Variants in IRGC observed in about 807,000 individuals in gnomAD.
IRGC encodes the protein immunity related GTPase cinema, also known as interferon-inducible GTPase 5.
IRGC carries 4 observed loss-of-function variants against 16.1 expected under a neutral mutation model. The observed-to-expected ratio is 0.25, with a 90% CI of 0.12 to 0.57. The LOEUF is 0.57. IRGC is among the 20% of genes least tolerant of loss of function. IRGC has a pLI of 0.92. For missense variants in IRGC, 570 were observed against 643.9 expected (o/e 0.89, Z 1.24); for synonymous variants, 307 against 299.5 (o/e 1.03, Z -0.26).
At position 43,718,503 on chromosome 19, in the gene IRGC, T is replaced by A; in HGVS notation, c.-56T>A. The A allele has an allele frequency of 6.6e-7, 1 of 1,515,952 alleles. No individual in the cohort carries two copies. The highest frequency in any genetic ancestry group is 8.8e-7 in the Non-Finnish European group (1 of 1,134,194). The allele number at this position is 1,515,952 out of a possible 1,614,324, so 93.9% of individuals were successfully genotyped here. ...CCTTCTCCTCTGCAGGCGCTGAGGATCACGCATCCTGTGACTCTCCCCTGT... is the reference window on the plus strand; with the variant it reads ...CCTTCTCCTCTGCAGGCGCTGAGGAACACGCATCCTGTGACTCTCCCCTGT... On this transcript the variant is annotated 5_prime_UTR_variant, in exon 2 of 2. Transcript: ENST00000244314.
intron 1 of IRGC, among the ~76,000 whole-genome samples, chr19:43,717,885 T>G (rs570101467): frequency 6.6e-6 from 1 of 152,114 alleles, no homozygotes; most frequent in East Asian, 1.9e-4. Context: ...TGGGACAACA[T>G]AGTGAGACTC....
At position 43,719,854 on chromosome 19, in the gene IRGC, T is replaced by C. The variant is rs755917840; in HGVS notation, c.1296T>C (p.Gly432=). ...AAAAGGGGGGCTCCGGGGAGGGAGG[T>C]GGGGAGGAAGCCCCACTCTCAACCT... The part of the protein sequence containing the change: ...GVEKGGSGEG[G]GEEAPLSTCR... The change falls in exon 2 of 2, where the codon GGT becomes GGC. Residue 432 remains glycine (G), a synonymous_variant. Coordinates refer to ENST00000244314, the MANE Select transcript of IRGC (RefSeq NM_019612.4). The C allele has an allele frequency of 1.2e-6, 2 of 1,611,500 alleles. No individual in the cohort carries two copies. The highest frequency in any genetic ancestry group is 2.7e-5 in the African/African-American group (2 of 73,978).
chr19:43,719,881 C>T lies in IRGC; in HGVS notation c.1323C>T (p.Cys441=), dbSNP rs1040020919. The change falls in exon 2 of 2, where the codon TGC becomes TGT. Residue 441 remains cysteine (C), a synonymous_variant. Transcript: ENST00000244314. ...GGGAGGAAGCCCCACTCTCAACCTG[C>T]AGGAAGCTCGGCCTCCTTCTTAAGT... ...GGGEEAPLST[C]RKLGLLLKYI... 1.9e-6 allele frequency: 3 copies of T among 1,613,838 alleles called. No homozygotes were observed. Among genetic ancestry groups the T allele is most frequent in the Middle Eastern group, 1.6e-4 (1 of 6,082 alleles).
At chr19:43,716,506 T>G (rs1331932979) in intron 1 of IRGC, among the ~76,000 whole-genome samples, 1 of 152,030 alleles carries the variant, frequency 6.6e-6, no homozygotes, top group African/African-American at 2.4e-5. Context: ...CCTGGCTAAT[T>G]TTTGTATTTT....
At chr19:43,717,408 G>A (rs950958006) in intron 1 of IRGC, among the ~76,000 whole-genome samples, 16 of 152,198 alleles carry the variant, frequency 1.1e-4, no homozygotes, top group Non-Finnish European at 1.9e-4. Context: ...GCCAGGCGCC[G>A]TTTTATGGGC....
chr19:43,718,750 C>T lies in IRGC; in HGVS notation c.192C>T (p.Gly64=), dbSNP rs769031554. The change falls in exon 2 of 2, where the codon GGC becomes GGT. Residue 64 remains glycine (G), a synonymous_variant. Coordinates refer to ENST00000244314, the MANE Select transcript of IRGC (RefSeq NM_019612.4). ...AGGTGGGCGTCACGGGCGAGTCGGGCGCGGGCAAGTCCTCCCTCATCAATG... is the reference window on the plus strand; with the variant it reads ...AGGTGGGCGTCACGGGCGAGTCGGGTGCGGGCAAGTCCTCCCTCATCAATG... ...RLEVGVTGES[G]AGKSSLINAL... 3 of 1,612,574 alleles carry T rather than the reference C, an allele frequency of 1.9e-6. No homozygotes were observed. The highest frequency in any genetic ancestry group is 2.7e-5 in the African/African-American group (2 of 74,932).
rs78899178 is a variant in IRGC at position 43,718,345 on chromosome 19, A to T, written c.-66-148A>T. 570 of 981,040 alleles carry T rather than the reference A, an allele frequency of 5.8e-4. 3 individuals carry two copies. In the African/African-American group the frequency reaches 8.8e-3, roughly 15 times the overall value. The allele number at this position is 981,040 out of a possible 1,614,324, so 60.8% of individuals were successfully genotyped here. On this transcript the variant is annotated intron_variant, in intron 1 of 1. Transcript: ENST00000244314. Reference sequence around the variant, plus strand: ...GGCCTGCCAGACCCCAAAGCCCTCTAACTTGTGCCAAAAATGTGTCCCCAA... The same window carrying T: ...GGCCTGCCAGACCCCAAAGCCCTCTTACTTGTGCCAAAAATGTGTCCCCAA...
Position 43,719,969 on chromosome 19 carries a change from C to A in IRGC, c.*19C>A, listed in dbSNP as rs201944574. The A allele has an allele frequency of 5.0e-6, 8 of 1,610,576 alleles. No homozygotes were observed. The highest frequency in any genetic ancestry group is 1.7e-5 in the Admixed American group (1 of 59,518). On this transcript the variant is annotated 3_prime_UTR_variant, in exon 2 of 2. Transcript: ENST00000244314. Reference sequence around the variant, plus strand: ...GAAATAAAGAGTGCAGCCCCGCCCCCCTGCCTCACCCACAAACTAAGTCTT... The same window carrying A: ...GAAATAAAGAGTGCAGCCCCGCCCCACTGCCTCACCCACAAACTAAGTCTT...
intron 1 of IRGC, 63 bp from the exon 2 acceptor site, chr19:43,718,430 T>C: frequency 6.9e-7 from 1 of 1,455,776 alleles, no homozygotes. Context: ...ATCCGTGGTA[T>C]CTGTCTCTCC....
chr19:43,718,649 T>G lies in IRGC; in HGVS notation c.91T>G (p.Phe31Val). The G allele has an allele frequency of 6.2e-7, 1 of 1,613,618 alleles. No homozygotes were observed. The change falls in exon 2 of 2, where the codon TTT becomes GTT. Residue 31 changes from phenylalanine to valine, a missense_variant. Transcript: ENST00000244314. ...AAGGCTGGAGGCCCTGCGCACAGCC[T>G]TTGAGTCGGGTGACCTCCCCCAGGC... ...KERLEALRTA[F>V]ESGDLPQAAS...
At position 43,718,942 on chromosome 19, in the gene IRGC, G is replaced by A. The variant is rs767333246; in HGVS notation, c.384G>A (p.Gln128=). The stretch of plus-strand genomic sequence containing the variant: ...GCCCGGCTGACAAGTACCTAAAGCA[G>A]GTAGACTTCAGCCGCTATGACTTCT... ...PGCPADKYLK[Q]VDFSRYDFFL... The change falls in exon 2 of 2, where the codon CAG becomes CAA. Residue 128 remains glutamine (Q), a synonymous_variant. Coordinates refer to ENST00000244314, the MANE Select transcript of IRGC (RefSeq NM_019612.4). The A allele has an allele frequency of 2.0e-5, 32 of 1,612,112 alleles. 1 individual carries two copies. The East Asian group carries it at 4.5e-4, about 22-fold the overall frequency.
chr19:43,717,619 C>T (rs1460163157), intron 1 of IRGC, among the ~76,000 whole-genome samples: 1 of 152,204 alleles, frequency 6.6e-6, no homozygotes, highest in East Asian at 1.9e-4. Flanking sequence ...CTCCACCCTA[C>T]CCTCCAATCC....
intron 1 of IRGC, among the ~76,000 whole-genome samples, chr19:43,716,703 T>C (rs1007251294): frequency 6.7e-6 from 1 of 149,530 alleles, no homozygotes; most frequent in African/African-American, 2.5e-5. Context: ...ATGGGGTGAG[T>C]GGTAGGAGGT....
chr19:43,718,116 T>C (rs1968198182), intron 1 of IRGC, among the ~76,000 whole-genome samples: 1 of 152,122 alleles, frequency 6.6e-6, no homozygotes, highest in Non-Finnish European at 1.5e-5. Context: ...CAGCAGAGCA[T>C]TAAACCAAGC....
Position 43,716,118 on chromosome 19 carries a change from G to C in IRGC, c.-91G>C, listed in dbSNP as rs1041643075. 1 of 152,600 alleles carries C rather than the reference G, an allele frequency of 6.6e-6. No individual in the cohort carries two copies. Among genetic ancestry groups the C allele is most frequent in the Non-Finnish European group, 1.5e-5 (1 of 68,362 alleles). 9.5% of individuals were successfully genotyped at this position (152,600 alleles called of 1,614,324 possible). A position where few individuals can be genotyped will look rare whatever the true frequency, so the allele number is the denominator to read the frequency against. On this transcript the variant is annotated 5_prime_UTR_variant, in exon 1 of 2. Transcript: ENST00000244314. The stretch of plus-strand genomic sequence containing the variant: ...ATCCTATCAGTGGGGAGAGTGTGAG[G>C]GGAGAGGGAGAGCCTGCAGGGCAGG...
In IRGC at chr19:43,719,034, A is replaced by G; in HGVS notation, c.476A>G (p.Gln159Arg). Residue 159 changes from glutamine to arginine, a missense_variant, in exon 2 of 2, where the codon CAG becomes CGG. Gln to Arg is a conservative substitution (Grantham distance 43, BLOSUM62 1). Transcript: ENST00000244314. ...ETRLAAEILC[Q>R]GKKFYFVRTK... ...CGCCTGGCCGCTGAGATCCTGTGCC[A>G]GGGCAAGAAGTTCTACTTTGTGCGC... The G allele has an allele frequency of 6.2e-7, 1 of 1,612,860 alleles. No homozygotes were observed. The highest frequency in any genetic ancestry group is 8.5e-7 in the Non-Finnish European group (1 of 1,179,876).
rs1968243207 is a variant in IRGC, at chr19:43,719,750, C to T, written c.1192C>T (p.Arg398Cys). The T allele has an allele frequency of 1.9e-6, 3 of 1,613,618 alleles. No homozygotes were observed. In the South Asian group the frequency reaches 3.3e-5, roughly 18 times the overall value. Residue 398 changes from arginine (R) to cysteine (C), a missense_variant, in exon 2 of 2, where the codon CGT becomes TGT. Coordinates refer to ENST00000244314, the MANE Select transcript of IRGC (RefSeq NM_019612.4). Reference protein sequence around the residue: ...CLNEMAEDAQRVRIKALEDDE... With the variant: ...CLNEMAEDAQCVRIKALEDDE... ...CAACGAGATGGCTGAGGACGCCCAG[C>T]GTGTCCGCATCAAGGCCCTGGAGGA...
intron 1 of IRGC, among the ~76,000 whole-genome samples, chr19:43,716,529 A>G (rs953081859): frequency 1.3e-5 from 2 of 151,994 alleles, no homozygotes; most frequent in East Asian, 1.9e-4. Flanking sequence ...GTGGAGATGG[A>G]GTTTCACCAT....
chr19:43,718,206 A>T lies in IRGC; in HGVS notation c.-66-287A>T, dbSNP rs142965484. On this transcript the variant is annotated intron_variant, in intron 1 of 1. Coordinates refer to ENST00000244314, the MANE Select transcript of IRGC (RefSeq NM_019612.4). ...GACCTGTGCCTAGGTTACCCTGGAG[A>T]CTCCAATAGTGCTCCAAGAGGCTGC... 3.9e-5 allele frequency among the ~76,000 whole-genome samples: 6 copies of T among 152,084 alleles called. No individual in the cohort carries two copies. In the East Asian group the frequency reaches 1.2e-3, roughly 29 times the overall value.
Sources: gnomAD v4.1 joint callset for allele counts (sites outside exome capture counted in the v4.1 genomes callset) on GRCh38, gnomAD v4.1.1 for gene constraint, MANE v1.5 for transcripts, NCBI Gene and HGNC (gene_info 2026-07-23, HGNC 2026-07-21) for gene names.